Variants in VAV2 observed in about 807,000 individuals in gnomAD.
VAV2 encodes the protein guanine nucleotide exchange factor VAV2.
In VAV2, 67 loss-of-function variants were observed where a neutral mutation model predicts 132.5. The observed-to-expected ratio is 0.51, with a 90% CI of 0.42 to 0.62. The LOEUF (loss-of-function observed/expected upper bound fraction) is 0.62. VAV2 is among the 20% of genes least tolerant of loss of function. The probability of loss-of-function intolerance (pLI) is 0.00; values close to 1 mark genes in which losing one functional copy is unlikely to be tolerated. For synonymous variants in VAV2, 492 were observed against 443.5 expected (o/e 1.11, Z -1.37); for missense variants, 938 against 1,153.6 (o/e 0.81, Z 2.71).
chr9:133,793,275 C>T lies in VAV2; in HGVS notation c.1102-1406G>A, dbSNP rs957474527. Among the ~76,000 whole-genome samples the T allele has an allele frequency of 7.2e-5, 11 of 152,192 alleles. No homozygotes were observed. The Middle Eastern group carries it at 0.014, about 188-fold the overall frequency. Reference sequence around the variant, plus strand: ...CGTGGGCGGTCCTGGCCCTGCCCCCCGAGAGCAGCGGGTGGAATTCCCCAA... The same window carrying T: ...CGTGGGCGGTCCTGGCCCTGCCCCCTGAGAGCAGCGGGTGGAATTCCCCAA... On this transcript the variant is annotated intron_variant, in intron 12 of 29. Transcript: ENST00000371850.
chr9:133,776,412 T>G (rs958858693), intron 23 of VAV2, among the ~76,000 whole-genome samples: 2 of 152,170 alleles, frequency 1.3e-5, no homozygotes, highest in African/African-American at 4.8e-5. Context: ...CCAAGCTCCC[T>G]GCTCCAGAGG....
chr9:133,854,405 C>T (rs1487326327), intron 3 of VAV2, among the ~76,000 whole-genome samples: 1 of 152,254 alleles, frequency 6.6e-6, no homozygotes, highest in Admixed American at 6.5e-5. Context: ...TTGGAGGCCC[C>T]AGCCATGGCT....
chr9:133,860,793 G>A (rs1485447996), intron 3 of VAV2, among the ~76,000 whole-genome samples: 1 of 152,132 alleles, frequency 6.6e-6, no homozygotes, highest in Non-Finnish European at 1.5e-5. Context: ...TCTCATCTGG[G>A]GCTGTTCTCT....
intron 6 of VAV2, among the ~76,000 whole-genome samples, chr9:133,809,377 CA>C (rs1441628383): frequency 6.6e-6 from 1 of 152,138 alleles, no homozygotes; most frequent in East Asian, 1.9e-4. Flanking sequence ...GGGACAGTGC[CA>C]AGGAAGGCTT....
At position 133,945,554 on chromosome 9, in the gene VAV2, C is replaced by T. The variant is rs139325862; in HGVS notation, c.205-6335G>A. On this transcript the variant is annotated intron_variant, in intron 1 of 29. Transcript: ENST00000371850. Reference sequence around the variant, plus strand: ...CCCAGGCCCGGTTCCTCTCAGGATGCCCCCAGCCTCTGGCAGGCCCATGCC... The same window carrying T: ...CCCAGGCCCGGTTCCTCTCAGGATGTCCCCAGCCTCTGGCAGGCCCATGCC... 2.0e-3 allele frequency among the ~76,000 whole-genome samples: 297 copies of T among 152,138 alleles called. 2 individuals are homozygous for T. The highest frequency in any genetic ancestry group is 3.5e-3 in the South Asian group (17 of 4,826).
In VAV2 at chr9:133,833,581, T is replaced by C. The variant is rs566537155; in HGVS notation, c.449+691A>G. ...CAAGGATGCTCGGTCTCAGCCCAGG[T>C]CCCTCACCTGCAGGTGAGGCCCCTT... On this transcript the variant is annotated intron_variant, in intron 4 of 29. Transcript: ENST00000371850. The surrounding 1 kb of genome is among the most constrained non-coding windows in gnomAD (Gnocchi z 5.6). Among the ~76,000 whole-genome samples the C allele has an allele frequency of 1.1e-4, 16 of 152,148 alleles. No homozygotes were observed. The East Asian group carries it at 2.3e-3, about 22-fold the overall frequency.
In VAV2 at chr9:133,769,139, T is replaced by G. The variant is rs1040625559; in HGVS notation, c.2434+278A>C. Among the ~76,000 whole-genome samples the G allele has an allele frequency of 8.5e-5, 13 of 152,300 alleles. No homozygotes were observed. The highest frequency in any genetic ancestry group is 2.6e-4 in the African/African-American group (11 of 41,558). The stretch of plus-strand genomic sequence containing the variant: ...AAAGCTCTTGATGAACAAGGAGGAA[T>G]GACAGTGGACGGGGCTGGGAAAGTG... On this transcript the variant is annotated intron_variant, in intron 28 of 29. Transcript: ENST00000371850. The surrounding 1 kb of genome is among the most constrained non-coding windows in gnomAD (Gnocchi z 8.1).
chr9:133,801,628 G>A (rs192006364), intron 9 of VAV2, among the ~76,000 whole-genome samples: 21 of 152,310 alleles, frequency 1.4e-4, no homozygotes, highest in Non-Finnish European at 2.5e-4. Flanking sequence ...ACCAGAACTC[G>A]GCTGCAGTGG....
At chr9:133,799,059 C>T (rs1464786019) in intron 9 of VAV2, among the ~76,000 whole-genome samples, 2 of 152,208 alleles carry the variant, frequency 1.3e-5, no homozygotes, top group African/African-American at 4.8e-5. Flanking sequence ...GGCAGCTGGG[C>T]CTGTAGCCTG....
At position 133,810,331 on chromosome 9, in the gene VAV2, C is replaced by T. The variant is rs933125167; in HGVS notation, c.553-126G>A. The T allele has an allele frequency of 3.7e-5, 54 of 1,474,432 alleles. No individual in the cohort carries two copies. The Admixed American group carries it at 6.2e-4, about 17-fold the overall frequency. 91.3% of individuals were successfully genotyped at this position (1,474,432 alleles called of 1,614,324 possible). A position where few individuals can be genotyped will look rare whatever the true frequency, so the allele number is the denominator to read the frequency against. Reference sequence around the variant, plus strand: ...AGCCAACAGACCCAAAGCCACATCACGGCCCCTCGTGCTGCCCAGCTGGGC... The same window carrying T: ...AGCCAACAGACCCAAAGCCACATCATGGCCCCTCGTGCTGCCCAGCTGGGC... On this transcript the variant is annotated intron_variant, in intron 5 of 29. Transcript: ENST00000371850.
chr9:133,778,078 C>T (rs1464529361), intron 22 of VAV2, among the ~76,000 whole-genome samples: 2 of 152,018 alleles, frequency 1.3e-5, no homozygotes, highest in Non-Finnish European at 2.9e-5. Context: ...CGCCCGGGTG[C>T]CAGCATGCTC....
intron 1 of VAV2, among the ~76,000 whole-genome samples, chr9:133,971,967 A>G (rs1383556386): frequency 1.3e-5 from 2 of 152,198 alleles, no homozygotes; most frequent in African/African-American, 2.4e-5. Flanking sequence ...AGTGGACGGC[A>G]TGGCCCGGAT....
Position 133,847,905 on chromosome 9 carries a change from C to T in VAV2, c.380+13469G>A, listed in dbSNP as rs191006276. ...GGACACAGAGTGGCTTGCCAAAAAC[C>T]GTGCTGATCACTAACAGGGAGGGAA... On this transcript the variant is annotated intron_variant, in intron 3 of 29. Transcript: ENST00000371850. 3.9e-5 allele frequency among the ~76,000 whole-genome samples: 6 copies of T among 152,244 alleles called. No homozygotes were observed. The East Asian group carries it at 7.7e-4, about 20-fold the overall frequency.
intron 2 of VAV2, among the ~76,000 whole-genome samples, chr9:133,893,092 G>C (rs573969676): frequency 6.6e-6 from 1 of 152,314 alleles, no homozygotes; most frequent in Admixed American, 6.5e-5. Context: ...AGGACAGCAC[G>C]GTCCAAGATC....
At chr9:133,781,959 G>A (rs531018346) in intron 19 of VAV2, among the ~76,000 whole-genome samples, 4 of 152,180 alleles carry the variant, frequency 2.6e-5, no homozygotes, top group African/African-American at 4.8e-5. Flanking sequence ...GGGTGTGCGC[G>A]TCTGCAGAAA....
In VAV2 at chr9:133,807,292, G is replaced by T. The variant is rs200521072; in HGVS notation, c.701C>A (p.Pro234Gln). The change falls in exon 8 of 30, where the codon CCG becomes CAG. Residue 234 changes from proline to glutamine, a missense_variant. Transcript: ENST00000371850. ...AATGAAGACAGCTGCCATGTCCGCC[G>T]GGCTCAGCACCAGCCGCAGGGGGCT... Reference protein sequence around the residue: ...YMSPLRLVLSPADMAAVFINL... With the variant: ...YMSPLRLVLSQADMAAVFINL... 2.5e-6 allele frequency: 4 copies of T among 1,611,046 alleles called. No individual in the cohort carries two copies. The African/African-American group carries it at 4.0e-5, about 16-fold the overall frequency.
chr9:133,804,992 G>A lies in VAV2; in HGVS notation c.836+1089C>T, dbSNP rs1282138992. On this transcript the variant is annotated intron_variant, in intron 9 of 29. Coordinates refer to ENST00000371850, the MANE Select transcript of VAV2 (RefSeq NM_001134398.2). This position sits in a 1 kb window ranked among gnomAD's most constrained non-coding sequence, Gnocchi z 4.5. ...AGGACCCTCCTCACAGGGAAGGGGGGAGCGCCTTTCCTGAAGCTACAGAGC... is the reference window on the plus strand; with the variant it reads ...AGGACCCTCCTCACAGGGAAGGGGGAAGCGCCTTTCCTGAAGCTACAGAGC... Among the ~76,000 whole-genome samples, 1 of 152,160 alleles carries A rather than the reference G, an allele frequency of 6.6e-6. No individual in the cohort carries two copies. Among genetic ancestry groups the A allele is most frequent in the Non-Finnish European group, 1.5e-5 (1 of 68,020 alleles).
Position 133,888,198 on chromosome 9 carries a change from G to A in VAV2, c.322-26766C>T, listed in dbSNP as rs116456243. On this transcript the variant is annotated intron_variant, in intron 2 of 29. Transcript: ENST00000371850. The stretch of plus-strand genomic sequence containing the variant: ...CAGCAAGCAGAAGTGGGGAGCCAGG[G>A]GCCAGGGGAGGCTGGGGTGAGCGCT... Among the ~76,000 whole-genome samples, 417 of 152,360 alleles carry A rather than the reference G, an allele frequency of 2.7e-3. 1 individual carries two copies. Among genetic ancestry groups the A allele is most frequent in the African/African-American group, 9.5e-3 (396 of 41,584 alleles).
At chr9:133,900,358 T>C (rs548218383) in intron 2 of VAV2, among the ~76,000 whole-genome samples, 3 of 152,242 alleles carry the variant, frequency 2.0e-5, no homozygotes, top group African/African-American at 7.2e-5. Context: ...CATTCTCCCC[T>C]GGAGCTGGCC....
Sources: gnomAD v4.1 joint callset for allele counts (sites outside exome capture counted in the v4.1 genomes callset) on GRCh38, gnomAD v4.1.1 for gene constraint, Gnocchi (gnomAD v3.1) non-coding constraint, MANE v1.5 for transcripts, NCBI Gene and HGNC (gene_info 2026-07-23, HGNC 2026-07-21) for gene names.